Variants in CEP128 observed in about 807,000 individuals in gnomAD.
CEP128 encodes the protein centrosomal protein 128.
A neutral mutation model predicts 156.7 loss-of-function variants in CEP128; 132 were observed. That is an observed-to-expected ratio of 0.84 (90% CI 0.73 to 0.97). The LOEUF (loss-of-function observed/expected upper bound fraction) is 0.97. Ranked by LOEUF, CEP128 falls within the 50% of genes least tolerant of loss-of-function variation. The pLI, the probability that CEP128 is intolerant of heterozygous loss-of-function variation, is 0.00. For synonymous variants in CEP128, 469 were observed against 448.9 expected (o/e 1.04, Z -0.57); for missense variants, 1,252 against 1,281.9 (o/e 0.98, Z 0.36).
intron 20 of CEP128, among the ~76,000 whole-genome samples, chr14:80,565,650 A>G (rs145412151): frequency 1.5e-3 from 228 of 152,354 alleles, no homozygotes; most frequent in African/African-American, 5.1e-3. Context: ...GGAATGGACC[A>G]AGGCAAATTC....
At chr14:80,713,799 A>AT (rs1359468963) in intron 19 of CEP128, among the ~76,000 whole-genome samples, 5 of 152,180 alleles carry the variant, frequency 3.3e-5, no homozygotes, top group African/African-American at 1.2e-4. Context: ...AAAGATAGTG[A>AT]TTTTGTTTTT....
At chr14:80,691,733 C>A (rs1007984075) in intron 19 of CEP128, among the ~76,000 whole-genome samples, 6 of 152,050 alleles carry the variant, frequency 3.9e-5, no homozygotes, top group African/African-American at 1.4e-4. Context: ...TTTTGGAGAT[C>A]AAACAATTCA....
intron 9 of CEP128, among the ~76,000 whole-genome samples, chr14:80,860,905 A>G (rs2140153914): frequency 6.6e-6 from 1 of 152,212 alleles, no homozygotes; most frequent in South Asian, 2.1e-4. Context: ...AACTCTTAGA[A>G]AAATCATTTC....
chr14:80,772,678 A>T (rs1281851035), intron 16 of CEP128, among the ~76,000 whole-genome samples: 2 of 152,094 alleles, frequency 1.3e-5, no homozygotes, highest in African/African-American at 2.4e-5. Context: ...GTGGGGCTGG[A>T]TCCCAGAGGT....
At chr14:80,632,775 T>C (rs577588064) in intron 19 of CEP128, among the ~76,000 whole-genome samples, 3 of 152,172 alleles carry the variant, frequency 2.0e-5, no homozygotes, top group South Asian at 2.1e-4. Context: ...CACGGGTGTA[T>C]GTCTGGGAGT....
intron 19 of CEP128, among the ~76,000 whole-genome samples, chr14:80,630,580 G>A (rs568926557): frequency 6.6e-6 from 1 of 151,998 alleles, no homozygotes; most frequent in Admixed American, 6.5e-5. Context: ...AAAACCACAA[G>A]TTACAATAAA....
chr14:80,581,291 T>C (rs750971964), intron 19 of CEP128, among the ~76,000 whole-genome samples: 7 of 152,180 alleles, frequency 4.6e-5, no homozygotes, highest in African/African-American at 9.7e-5. Context: ...GTATTTGCCT[T>C]ACTCTCTCAT....
chr14:80,621,420 A>C (rs1041307715), intron 19 of CEP128, among the ~76,000 whole-genome samples: 1 of 152,170 alleles, frequency 6.6e-6, no homozygotes, highest in Non-Finnish European at 1.5e-5. Flanking sequence ...CTTAAGACAA[A>C]AGCTATATAT....
intron 19 of CEP128, among the ~76,000 whole-genome samples, chr14:80,650,910 T>C (rs1894874330): frequency 6.6e-6 from 1 of 152,156 alleles, no homozygotes; most frequent in Admixed American, 6.6e-5. Flanking sequence ...CAGGTTTTGG[T>C]ATCAGGATGA....
intron 21 of CEP128, among the ~76,000 whole-genome samples, chr14:80,546,179 C>A (rs531593767): frequency 6.6e-6 from 1 of 152,176 alleles, no homozygotes. Flanking sequence ...ATGCATACAT[C>A]GGGGATGATT....
chr14:80,640,728 C>T (rs543724336), intron 19 of CEP128, among the ~76,000 whole-genome samples: 2 of 152,244 alleles, frequency 1.3e-5, no homozygotes, highest in South Asian at 4.1e-4. Flanking sequence ...GACAAGTACC[C>T]ATATAAAAAG....
chr14:80,681,976 T>C (rs117673819), intron 19 of CEP128, among the ~76,000 whole-genome samples: 3,275 of 152,128 alleles, frequency 0.022, 60 homozygotes, highest in Middle Eastern at 0.082. Flanking sequence ...GGCAGGGTGG[T>C]GCACACCTGC....
intron 7 of CEP128, among the ~76,000 whole-genome samples, chr14:80,896,541 T>C (rs930033577): frequency 6.6e-6 from 1 of 152,198 alleles, no homozygotes; most frequent in Admixed American, 6.5e-5. Context: ...GTTCTATTGG[T>C]TACCTGTAGA....
intron 14 of CEP128, among the ~76,000 whole-genome samples, chr14:80,789,947 C>A (rs993183262): frequency 2.0e-5 from 3 of 151,546 alleles, no homozygotes; most frequent in South Asian, 4.2e-4. Context: ...TATACTAATA[C>A]ATACTCTAGC....
At chr14:80,826,246 C>T (rs1194580968) in intron 13 of CEP128, among the ~76,000 whole-genome samples, 2 of 151,804 alleles carry the variant, frequency 1.3e-5, no homozygotes, top group African/African-American at 4.8e-5. Flanking sequence ...CACTAGATAC[C>T]ATAACTTTAT....
chr14:80,847,434 A>G (rs534183357), intron 9 of CEP128, among the ~76,000 whole-genome samples: 13 of 152,290 alleles, frequency 8.5e-5, no homozygotes, highest in African/African-American at 2.9e-4. Flanking sequence ...AAAATTTGTT[A>G]TTTGTTACCA....
chr14:80,893,752 G>GT (rs1889216411), intron 8 of CEP128, among the ~76,000 whole-genome samples: 1 of 151,882 alleles, frequency 6.6e-6, no homozygotes, highest in South Asian at 2.1e-4. Flanking sequence ...TTATCTTGGA[G>GT]TTACTCTATC....
chr14:80,736,600 CTCAA>C (rs1176004738), intron 19 of CEP128, among the ~76,000 whole-genome samples: 9 of 152,152 alleles, frequency 5.9e-5, no homozygotes, highest in Non-Finnish European at 1.3e-4. Flanking sequence ...AAACTCCCCA[CTCAA>C]TCAATACTGG....
intron 24 of CEP128, among the ~76,000 whole-genome samples, chr14:80,500,779 C>A (rs1022544781): frequency 6.6e-6 from 1 of 152,130 alleles, no homozygotes; most frequent in African/African-American, 2.4e-5. Context: ...ACACCCACCC[C>A]CTTCTCCTCA....
Sources: gnomAD v4.1 joint callset for allele counts (sites outside exome capture counted in the v4.1 genomes callset) on GRCh38, gnomAD v4.1.1 for gene constraint, MANE v1.5 for transcripts, NCBI Gene and HGNC (gene_info 2026-07-23, HGNC 2026-07-21) for gene names.